Variants in PTPRT observed in about 807,000 individuals in gnomAD.
PTPRT encodes protein tyrosine phosphatase receptor type T, also known as receptor-type tyrosine-protein phosphatase T.
PTPRT carries 56 observed loss-of-function variants against 176.8 expected under a neutral mutation model. That is an observed-to-expected ratio of 0.32 (90% CI 0.26 to 0.40). The LOEUF (loss-of-function observed/expected upper bound fraction) is 0.40, where lower values mean the gene tolerates loss of function less well. PTPRT is among the 10% of genes least tolerant of loss of function. PTPRT has a pLI of 1.00. For missense variants in PTPRT, 1,540 were observed against 1,908.2 expected (o/e 0.81, Z 3.60); for synonymous variants, 783 against 739.0 (o/e 1.06, Z -0.96).
At chr20:42,572,087 C>T (rs1013848458) in intron 7 of PTPRT, among the ~76,000 whole-genome samples, 2 of 152,246 alleles carry the variant, frequency 1.3e-5, no homozygotes, top group East Asian at 1.9e-4. Flanking sequence ...TGATGTCTGG[C>T]GAGGGTCTGT....
At chr20:43,111,271 G>A (rs1214224877) in intron 1 of PTPRT, among the ~76,000 whole-genome samples, 1 of 152,120 alleles carries the variant, frequency 6.6e-6, no homozygotes, top group African/African-American at 2.4e-5. Context: ...TGGGCACAGT[G>A]GCTCACGCCT....
chr20:42,856,023 A>G (rs546911813), intron 2 of PTPRT, among the ~76,000 whole-genome samples: 1 of 152,260 alleles, frequency 6.6e-6, no homozygotes, highest in African/African-American at 2.4e-5. Context: ...AGTCCATGAA[A>G]CAGAAGGACC....
chr20:42,709,787 T>C (rs2076117029), intron 6 of PTPRT, among the ~76,000 whole-genome samples: 1 of 152,154 alleles, frequency 6.6e-6, no homozygotes, highest in Non-Finnish European at 1.5e-5. Context: ...TCTTAGAGAC[T>C]TGTTAAGTGG....
intron 13 of PTPRT, among the ~76,000 whole-genome samples, chr20:42,262,371 G>T (rs568865107): frequency 6.6e-6 from 1 of 152,126 alleles, no homozygotes; most frequent in African/African-American, 2.4e-5. Context: ...GACTGCCCAC[G>T]ATTCCTGCCC....
intron 9 of PTPRT, among the ~76,000 whole-genome samples, chr20:42,437,484 T>C (rs1046096091): frequency 6.6e-6 from 1 of 152,134 alleles, no homozygotes; most frequent in African/African-American, 2.4e-5. Context: ...AAAACGTGCA[T>C]AAAATAAAAC....
At chr20:42,758,980 C>T (rs907454380) in intron 5 of PTPRT, among the ~76,000 whole-genome samples, 1 of 152,212 alleles carries the variant, frequency 6.6e-6, no homozygotes, top group Non-Finnish European at 1.5e-5. Flanking sequence ...ACCTAGGAGA[C>T]ACCACATGCA....
At chr20:42,125,346 A>G (rs1362584758) in intron 19 of PTPRT, among the ~76,000 whole-genome samples, 1 of 152,240 alleles carries the variant, frequency 6.6e-6, no homozygotes, top group African/African-American at 2.4e-5. Context: ...TAATTTACCC[A>G]AGATCATAAA....
intron 13 of PTPRT, among the ~76,000 whole-genome samples, chr20:42,263,678 CTTT>C (rs574955968): frequency 1.4e-5 from 2 of 138,424 alleles, no homozygotes; most frequent in East Asian, 2.1e-4. Flanking sequence ...TGCGCCGGGC[CTTT>C]TTTTTTTTTT....
intron 17 of PTPRT, among the ~76,000 whole-genome samples, chr20:42,150,968 G>A (rs149921972): frequency 9.2e-5 from 14 of 152,226 alleles, no homozygotes; most frequent in African/African-American, 2.9e-4. Context: ...GTGACTACCC[G>A]ATACAATACC....
At chr20:42,641,045 T>C (rs2074735647) in intron 7 of PTPRT, among the ~76,000 whole-genome samples, 1 of 152,152 alleles carries the variant, frequency 6.6e-6, no homozygotes, top group South Asian at 2.1e-4. Context: ...AATATTCCAC[T>C]AAGTGGATGG....
intron 27 of PTPRT, among the ~76,000 whole-genome samples, chr20:42,095,040 T>G (rs1040140342): frequency 1.3e-5 from 2 of 152,106 alleles, no homozygotes; most frequent in Non-Finnish European, 2.9e-5. Context: ...TTCCTCTTTC[T>G]CTCTCTTATT....
chr20:42,654,713 G>T (rs1271627826), intron 7 of PTPRT, among the ~76,000 whole-genome samples: 1 of 152,070 alleles, frequency 6.6e-6, no homozygotes, highest in Non-Finnish European at 1.5e-5. Flanking sequence ...CACTGAGATG[G>T]GTACAGTTAT....
At chr20:42,138,247 G>T (rs959935156) in intron 18 of PTPRT, among the ~76,000 whole-genome samples, 1 of 152,224 alleles carries the variant, frequency 6.6e-6, no homozygotes, top group Admixed American at 6.5e-5. Flanking sequence ...GATTCTGGTT[G>T]GCCCCAGCCA....
intron 11 of PTPRT, among the ~76,000 whole-genome samples, chr20:42,331,432 T>C (rs78701598): frequency 7.1e-6 from 1 of 141,094 alleles, no homozygotes; most frequent in Non-Finnish European, 1.6e-5. Context: ...TTTTTTTTTT[T>C]AAATATAATA....
chr20:43,083,337 T>TACATATATATATATATATATATAC (rs1489432968), intron 1 of PTPRT, among the ~76,000 whole-genome samples: 2 of 105,792 alleles, frequency 1.9e-5, no homozygotes, highest in Non-Finnish European at 3.8e-5. Flanking sequence ...TATATATATA[T>TACATATATATATATATATATATAC]ATATATATAT....
intron 1 of PTPRT, among the ~76,000 whole-genome samples, chr20:42,980,444 A>C (rs1339462501): frequency 6.6e-6 from 1 of 152,234 alleles, no homozygotes; most frequent in Admixed American, 6.5e-5. Flanking sequence ...GATTTTAACC[A>C]CTAAAGGTCT....
Position 42,986,265 on chromosome 20 carries a change from C to T in PTPRT, c.89-100333G>A, listed in dbSNP as rs139714272. Among the ~76,000 whole-genome samples the T allele has an allele frequency of 8.6e-3, 1,313 of 152,332 alleles. 21 individuals carry two copies. The highest frequency in any genetic ancestry group is 0.014 in the Middle Eastern group (4 of 294). ...TCTGTACCAGAATCATTTTCAAGAGCGATTAGGTGGGAGGGCACAGACCCT... is the reference window on the plus strand; with the variant it reads ...TCTGTACCAGAATCATTTTCAAGAGTGATTAGGTGGGAGGGCACAGACCCT... On this transcript the variant is annotated intron_variant, in intron 1 of 30. Coordinates refer to ENST00000373187, the MANE Select transcript of PTPRT (RefSeq NM_007050.6).
intron 2 of PTPRT, among the ~76,000 whole-genome samples, chr20:42,839,487 G>A (rs2078240505): frequency 6.6e-6 from 1 of 152,166 alleles, no homozygotes; most frequent in African/African-American, 2.4e-5. Flanking sequence ...TCCAGAAAGT[G>A]AGGATTAAGA....
intron 1 of PTPRT, among the ~76,000 whole-genome samples, chr20:43,110,773 T>C (rs1407396355): frequency 6.6e-6 from 1 of 151,944 alleles, no homozygotes; most frequent in Non-Finnish European, 1.5e-5. Context: ...TGAGGGTGGT[T>C]TGAGTGGGGC....
Sources: allele counts gnomAD v4.1 joint callset (sites outside exome capture counted in the v4.1 genomes callset), GRCh38; gene constraint gnomAD v4.1.1; transcripts MANE v1.5; gene names NCBI Gene and HGNC (gene_info 2026-07-23, HGNC 2026-07-21).